SPTB: variants seen among roughly 807,000 people sequenced by gnomAD.
SPTB encodes spectrin beta, erythrocytic.
SPTB carries 45 observed loss-of-function variants against 256.2 expected under a neutral mutation model. The ratio of observed to expected loss-of-function variants is 0.18; its 90% CI spans 0.14 to 0.23. SPTB has a LOEUF of 0.23. SPTB is among the 10% of genes least tolerant of loss of function. The probability of loss-of-function intolerance (pLI) is 1.00; values close to 1 mark genes in which losing one functional copy is unlikely to be tolerated. For synonymous variants in SPTB, 1,231 were observed against 1,243.1 expected (o/e 0.99, Z 0.21); for missense variants, 2,715 against 3,040.4 (o/e 0.89, Z 2.52).
rs1456067605 is a variant in SPTB, at chr14:64,759,275, G to A, written c.6346-5482C>T. On this transcript the variant is annotated intron_variant, in intron 32 of 35. Coordinates refer to ENST00000644917, the MANE Select transcript of SPTB (RefSeq NM_001355436.2). The surrounding 1 kb of genome is among the most constrained non-coding windows in gnomAD (Gnocchi z 4.8). ...AGGCAGGGAGCCAAGTAGCTGGGCA[G>A]GGACCCACCCATGACCCCCTGGCTG... Among the ~76,000 whole-genome samples the A allele has an allele frequency of 4.6e-5, 7 of 151,996 alleles. No homozygotes were observed. The highest frequency in any genetic ancestry group is 7.4e-5 in the Non-Finnish European group (5 of 68,000).
chr14:64,804,949 C>T lies in SPTB; in HGVS notation c.290G>A (p.Gly97Glu). The T allele has an allele frequency of 6.2e-7, 1 of 1,614,204 alleles. No homozygotes were observed. Among genetic ancestry groups the T allele is most frequent in the Non-Finnish European group, 8.5e-7 (1 of 1,180,042 alleles). Residue 97 changes from glycine to glutamate, a missense_variant, in exon 3 of 36, where the codon GGA becomes GAA. Physicochemically the swap from Gly to Glu is moderately conservative, Grantham distance 98. Around this residue, in one of 4 missense-constraint regions of SPTB, gnomAD observed 416 missense variants for 571.1 expected, o/e 0.73. Transcript: ENST00000644917. ...CAGAAGGGACTTTACCAGCATCTCT[C>T]CAGAGAGCACCTCCAGCAGCTTGAT... is the stretch of plus-strand genomic sequence containing the variant. ...MLIKLLEVLS[G>E]EMLPKPTKGK...
intron 29 of SPTB, chr14:64,768,223 G>A (rs2082220999): frequency 2.8e-6 from 1 of 356,630 alleles, no homozygotes; most frequent in Admixed American, 3.9e-5. Flanking sequence ...TTCTGTCGTT[G>A]TAGATAGGAT....
In SPTB at chr14:64,873,932, A is replaced by C. The variant is rs968045689; in HGVS notation, c.-52+5860T>G. On this transcript the variant is annotated intron_variant, in intron 1 of 35. Transcript: ENST00000644917. This position sits in a 1 kb window ranked among gnomAD's most constrained non-coding sequence, Gnocchi z 4.3. ...AATAAGATGATGTGTAGACAAAGGC[A>C]TGCTGAAAATTGAGTGGACTATAGT... is the stretch of plus-strand genomic sequence containing the variant. Among the ~76,000 whole-genome samples, 1 of 152,214 alleles carries C rather than the reference A, an allele frequency of 6.6e-6. No individual in the cohort carries two copies. The highest frequency in any genetic ancestry group is 1.5e-5 in the Non-Finnish European group (1 of 68,028).
chr14:64,754,055 T>C, intron 32 of SPTB: 5 of 581,242 alleles, frequency 8.6e-6, no homozygotes, highest in Non-Finnish European at 1.2e-5. Context: ...CTCTCTCCAA[T>C]GTAACATAGC....
intron 19 of SPTB, 25 bp downstream of exon 19, chr14:64,784,222 C>G: frequency 6.2e-7 from 1 of 1,613,960 alleles, no homozygotes; most frequent in South Asian, 1.1e-5. Flanking sequence ...AGAGCACCCA[C>G]CCGCCGCCCA....
intron 1 of SPTB, among the ~76,000 whole-genome samples, chr14:64,857,855 A>G (rs1210058305): frequency 1.3e-5 from 2 of 152,186 alleles, no homozygotes; most frequent in Admixed American, 6.5e-5. Flanking sequence ...TTGATCCCTT[A>G]TAACACATAA....
At chr14:64,808,667 A>G (rs978935096) in intron 2 of SPTB, among the ~76,000 whole-genome samples, 1 of 151,514 alleles carries the variant, frequency 6.6e-6, no homozygotes, top group Non-Finnish European at 1.5e-5. Context: ...TGGGCAGCTC[A>G]CTCTCCCCAA....
rs374987034 is a variant in SPTB at position 64,749,261 on chromosome 14, G to C, written c.*45C>G. ...GAGGAGGCCAAGGCCTGGGCTGCCC[G>C]GTCTCTGCGCGTCCCGACTCCGCCG... On this transcript the variant is annotated 3_prime_UTR_variant, in exon 36 of 36. Coordinates refer to ENST00000644917, the MANE Select transcript of SPTB (RefSeq NM_001355436.2). This position sits in a 1 kb window ranked among gnomAD's most constrained non-coding sequence, Gnocchi z 4.7. The C allele has an allele frequency of 1.9e-6, 3 of 1,540,456 alleles. No homozygotes were observed. The Admixed American group carries it at 5.8e-5, about 30-fold the overall frequency.
rs755502079 is a variant in SPTB, at chr14:64,772,826, G to A, written c.5307C>T (p.Ala1769=). The A allele has an allele frequency of 1.3e-5, 21 of 1,613,722 alleles. No homozygotes were observed. Among genetic ancestry groups the A allele is most frequent in the Admixed American group, 1.7e-5 (1 of 60,014 alleles). The change falls in exon 26 of 36, where the codon GCC becomes GCT. Residue 1769 remains alanine (A), a synonymous_variant. Coordinates refer to ENST00000644917, the MANE Select transcript of SPTB (RefSeq NM_001355436.2). The surrounding 1 kb of genome is among the most constrained non-coding windows in gnomAD (Gnocchi z 5.4). The part of the protein sequence containing the change: ...DAGHSEAATI[A]EWKDGLNEMW... The stretch of plus-strand genomic sequence containing the variant: ...TCTCGTTCAGCCCGTCCTTCCACTC[G>A]GCGATGGTGGCCGCCTCGCTGTGGC...
At position 64,778,594 on chromosome 14, in the gene SPTB, G is replaced by A. The variant is rs894240186; in HGVS notation, c.4563+563C>T. On this transcript the variant is annotated intron_variant, in intron 22 of 35. Coordinates refer to ENST00000644917, the MANE Select transcript of SPTB (RefSeq NM_001355436.2). This position sits in a 1 kb window ranked among gnomAD's most constrained non-coding sequence, Gnocchi z 5.2. ...AGGGCCACAGGAGTTCCCAATCAGG[G>A]CTAAGCGAGTGCCAAAAAGCAGAGG... is the stretch of plus-strand genomic sequence containing the variant. Among the ~76,000 whole-genome samples, 1 of 152,188 alleles carries A rather than the reference G, an allele frequency of 6.6e-6. No homozygotes were observed.
intron 8 of SPTB, among the ~76,000 whole-genome samples, chr14:64,800,144 C>T (rs770683370): frequency 5.9e-5 from 9 of 152,210 alleles, no homozygotes; most frequent in Non-Finnish European, 1.2e-4. Flanking sequence ...TCTTGCCAAT[C>T]GGCAGCGAGC....
At chr14:64,860,694 C>T (rs1271695674) in intron 1 of SPTB, among the ~76,000 whole-genome samples, 2 of 152,204 alleles carry the variant, frequency 1.3e-5, no homozygotes, top group Non-Finnish European at 2.9e-5. Flanking sequence ...CCAGGCACTG[C>T]TCTATCCACA....
At chr14:64,766,474 A>ATAGTTT in intron 32 of SPTB, 1 of 1,429,288 alleles carries the variant, frequency 7.0e-7, no homozygotes, top group Non-Finnish European at 9.1e-7. Flanking sequence ...AAAACTAATA[A>ATAGTTT]CGTCATGTCA....
chr14:64,767,264 C>T (rs770086034), intron 31 of SPTB, 39 bp downstream of exon 31: 15 of 1,613,020 alleles, frequency 9.3e-6, no homozygotes, highest in African/African-American at 1.3e-5. Context: ...TCCCACTTGG[C>T]AGAGCATTCA....
At position 64,795,238 on chromosome 14, in the gene SPTB, T is replaced by A. The variant is rs2082744249; in HGVS notation, c.1644+99A>T. On this transcript the variant is annotated intron_variant, in intron 12 of 35. Coordinates refer to ENST00000644917, the MANE Select transcript of SPTB (RefSeq NM_001355436.2). This position sits in a 1 kb window ranked among gnomAD's most constrained non-coding sequence, Gnocchi z 6.5. Reference sequence around the variant, plus strand: ...CTCTATTTTGACTCAGAGATATGACTGGCTGGGAGGTGTCTAAGGAAGCCT... The same window carrying A: ...CTCTATTTTGACTCAGAGATATGACAGGCTGGGAGGTGTCTAAGGAAGCCT... 7.2e-7 allele frequency: 1 copy of A among 1,379,328 alleles called. No homozygotes were observed. The highest frequency in any genetic ancestry group is 1.3e-5 in the South Asian group (1 of 79,978). The allele number at this position is 1,379,328 out of a possible 1,614,324, so 85.4% of individuals were successfully genotyped here.
rs986293048 is a variant in SPTB at position 64,787,035 on chromosome 14, A to C, written c.2930T>G (p.Val977Gly). The C allele has an allele frequency of 2.5e-6, 4 of 1,614,026 alleles. No homozygotes were observed. Among genetic ancestry groups the C allele is most frequent in the African/African-American group, 1.3e-5 (1 of 75,004 alleles). ...CCGCCCCAGGTCTTTTGTGGACTCC[A>C]CTACCTTTGTCTTGTCCGTGATCCA... ...SKWITDKTKV[V>G]ESTKDLGRDL... is the part of the protein sequence containing the mutation. Residue 977 changes from valine (V) to glycine (G), a missense_variant, in exon 16 of 36, where the codon GTG becomes GGG. Physicochemically the swap from Val to Gly is moderately radical, Grantham distance 109 (BLOSUM62 -3). Around this residue, in one of 4 missense-constraint regions of SPTB, gnomAD observed 2,239 missense variants for 2,384.4 expected, o/e 0.94. Coordinates refer to ENST00000644917, the MANE Select transcript of SPTB (RefSeq NM_001355436.2).
In SPTB at chr14:64,783,491, C is replaced by T. The variant is rs144963844; in HGVS notation, c.4002+756G>A. Among the ~76,000 whole-genome samples, 772 of 152,242 alleles carry T rather than the reference C, an allele frequency of 5.1e-3. 6 individuals carry two copies. Among genetic ancestry groups the T allele is most frequent in the African/African-American group, 0.017 (717 of 41,532 alleles). ...TGCTGGGATTACAGCTGTGAGCCAC[C>T]GTGCCTGGCCTAATAGTTAATATTT... is the stretch of plus-strand genomic sequence containing the variant. On this transcript the variant is annotated intron_variant, in intron 19 of 35. Coordinates refer to ENST00000644917, the MANE Select transcript of SPTB (RefSeq NM_001355436.2).
chr14:64,749,200 T>G lies in SPTB; in HGVS notation c.*106A>C. Reference sequence around the variant, plus strand: ...GGGGCCCGGGGGCCCGGCCCGCGACTCGACTCATCTCGATTCGACCGGCGG... The same window carrying G: ...GGGGCCCGGGGGCCCGGCCCGCGACGCGACTCATCTCGATTCGACCGGCGG... On this transcript the variant is annotated 3_prime_UTR_variant, in exon 36 of 36. Coordinates refer to ENST00000644917, the MANE Select transcript of SPTB (RefSeq NM_001355436.2). The surrounding 1 kb of genome is among the most constrained non-coding windows in gnomAD (Gnocchi z 4.7). 7.2e-7 allele frequency: 1 copy of G among 1,393,466 alleles called. No individual in the cohort carries two copies. Among genetic ancestry groups the G allele is most frequent in the Non-Finnish European group, 9.7e-7 (1 of 1,025,904 alleles). 86.3% of individuals were successfully genotyped at this position (1,393,466 alleles called of 1,614,324 possible). A position where few individuals can be genotyped will look rare whatever the true frequency, so the allele number is the denominator to read the frequency against.
At chr14:64,781,110 CTATAAAAGGCCTG>C (rs755677155) in intron 20 of SPTB, among the ~76,000 whole-genome samples, 4 of 152,148 alleles carry the variant, frequency 2.6e-5, no homozygotes, top group Admixed American at 6.5e-5. Flanking sequence ...AAACCCAAAA[CTATAAAAGGCCTG>C]GAAGACAACC....
Sources: gnomAD v4.1 joint callset for allele counts (sites outside exome capture counted in the v4.1 genomes callset) on GRCh38, gnomAD v4.1.1 for gene constraint, gnomAD v4.1.1 regional missense constraint, Gnocchi (gnomAD v3.1) non-coding constraint, MANE v1.5 for transcripts, NCBI Gene and HGNC (gene_info 2026-07-23, HGNC 2026-07-21) for gene names.